Variants in DOCK2 observed in about 807,000 individuals in gnomAD.
The protein encoded by DOCK2 is dedicator of cytokinesis protein 2.
A neutral mutation model predicts 248.9 loss-of-function variants in DOCK2; 87 were observed. That is an observed-to-expected ratio of 0.35 (90% confidence interval 0.29 to 0.42). The LOEUF is 0.42. Among genes scored for constraint, DOCK2 ranks in the 10% least tolerant of loss-of-function variants. The probability of loss-of-function intolerance (pLI) is 1.00; values close to 1 mark genes in which losing one functional copy is unlikely to be tolerated. For missense variants in DOCK2, 1,747 were observed against 2,300.2 expected, an observed-to-expected ratio of 0.76 and a Z score of 4.92; for synonymous variants, 805 against 821.6, an observed-to-expected ratio of 0.98 and a Z score of 0.35.
chr5:169,884,683 G>A (rs1772866842), intron 27 of DOCK2: 2 of 152,458 alleles, frequency 1.3e-5, no homozygotes, highest in Admixed American at 6.5e-5. Flanking sequence ...CTGTTGTGGT[G>A]TGTTGGCCGA....
At chr5:169,873,400 C>T (rs533164909) in intron 27 of DOCK2, among the ~76,000 whole-genome samples, 2 of 152,194 alleles carry the variant, frequency 1.3e-5, no homozygotes, top group Non-Finnish European at 2.9e-5. Flanking sequence ...TGCTCGAGGG[C>T]ATTGCTATGA....
intron 29 of DOCK2, among the ~76,000 whole-genome samples, chr5:169,990,090 T>A (rs1246009441): frequency 2.8e-4 from 3 of 10,634 alleles, no homozygotes; most frequent in African/African-American, 2.5e-3. Flanking sequence ...CTCTTAATGT[T>A]TTTTTTTTTC....
intron 9 of DOCK2, among the ~76,000 whole-genome samples, chr5:169,692,047 G>T (rs923233441): frequency 9.2e-5 from 14 of 151,784 alleles, no homozygotes; most frequent in African/African-American, 3.4e-4. Context: ...GTATAGACGG[G>T]GTTTCACCAT....
At chr5:169,700,832 T>C (rs1282614354) in intron 13 of DOCK2, among the ~76,000 whole-genome samples, 4 of 151,526 alleles carry the variant, frequency 2.6e-5, no homozygotes, top group Non-Finnish European at 5.9e-5. Context: ...AACTGTTATC[T>C]GATCTTGCAA....
intron 25 of DOCK2, among the ~76,000 whole-genome samples, chr5:169,777,317 G>C (rs887600061): frequency 2.0e-5 from 3 of 152,290 alleles, no homozygotes; most frequent in African/African-American, 7.2e-5. Flanking sequence ...ATCCTTGATG[G>C]CAGGGGGTGT....
intron 26 of DOCK2, among the ~76,000 whole-genome samples, chr5:169,818,411 G>A (rs537588109): frequency 6.6e-6 from 1 of 152,330 alleles, no homozygotes; most frequent in African/African-American, 2.4e-5. Flanking sequence ...GTTGAAAGAT[G>A]ATGGACTTTG....
intron 23 of DOCK2, among the ~76,000 whole-genome samples, chr5:169,747,813 G>A (rs570383065): frequency 3.3e-5 from 5 of 152,218 alleles, no homozygotes; most frequent in Admixed American, 6.5e-5. Context: ...CTTAAACTGA[G>A]TTTAATTCTC....
chr5:169,818,671 T>C (rs1472227537), intron 26 of DOCK2, among the ~76,000 whole-genome samples: 1 of 152,188 alleles, frequency 6.6e-6, no homozygotes, highest in Non-Finnish European at 1.5e-5. Flanking sequence ...AAGGCAATAT[T>C]TGATGCCAGG....
At chr5:169,798,474 G>C (rs1766784518) in intron 25 of DOCK2, among the ~76,000 whole-genome samples, 1 of 152,170 alleles carries the variant, frequency 6.6e-6, no homozygotes, top group African/African-American at 2.4e-5. Context: ...TCTCCTAAGT[G>C]GCTTTTTCCT....
intron 27 of DOCK2, among the ~76,000 whole-genome samples, chr5:169,876,174 G>A (rs570125686): frequency 1.1e-4 from 16 of 152,144 alleles, no homozygotes; most frequent in East Asian, 1.9e-4. Flanking sequence ...CTTTCTCTGC[G>A]GCCCTTGTGA....
chr5:169,819,524 G>C (rs897557787), intron 26 of DOCK2, among the ~76,000 whole-genome samples: 1 of 152,152 alleles, frequency 6.6e-6, no homozygotes, highest in Admixed American at 6.5e-5. Context: ...AGGAAGCTGA[G>C]GTGGGAGGAT....
At chr5:169,938,314 A>G (rs778860238) in intron 27 of DOCK2, among the ~76,000 whole-genome samples, 21 of 151,512 alleles carry the variant, frequency 1.4e-4, no homozygotes, top group Non-Finnish European at 2.7e-4. Flanking sequence ...GGATGGGGAT[A>G]TGTTAAGAGA....
rs1756534568 is a variant in DOCK2 at position 170,042,005 on chromosome 5, C to T, written c.3757-8C>T. 1 of 1,612,898 alleles carries T rather than the reference C, an allele frequency of 6.2e-7. No individual in the cohort carries two copies. The highest frequency in any genetic ancestry group is 1.3e-5 in the African/African-American group (1 of 75,004). ...CCCTGTGTGACTTCCTGTGTCTTCT[C>T]TTCACAGTGGTCGGATGAGCAGTGT... On this transcript the variant is annotated splice_region_variant and splice_polypyrimidine_tract_variant and intron_variant, in intron 37 of 51. Coordinates refer to ENST00000520908, the MANE Select transcript of DOCK2 (RefSeq NM_004946.3).
chr5:169,893,456 A>G (rs1413642276), intron 27 of DOCK2, among the ~76,000 whole-genome samples: 1 of 146,040 alleles, frequency 6.8e-6, no homozygotes, highest in Non-Finnish European at 1.5e-5. Context: ...TTTTCACTAC[A>G]TAACTGGGGA....
At chr5:169,757,903 G>A (rs1001042961) in intron 23 of DOCK2, among the ~76,000 whole-genome samples, 12 of 152,194 alleles carry the variant, frequency 7.9e-5, no homozygotes, top group African/African-American at 2.7e-4. Context: ...TCCAATGGTA[G>A]CAAGGTTATG....
chr5:170,045,672 C>G (rs949302867), intron 38 of DOCK2, 144 bp from the exon 39 acceptor site: 12 of 755,190 alleles, frequency 1.6e-5, no homozygotes, highest in Non-Finnish European at 2.5e-5. Context: ...AGCCCCCGGC[C>G]CCTCTGTATG....
chr5:169,815,105 G>A lies in DOCK2; in HGVS notation c.2703+11899G>A, dbSNP rs1265660023. Among the ~76,000 whole-genome samples the A allele has an allele frequency of 4.6e-5, 7 of 152,274 alleles. 1 individual carries two copies. The East Asian group carries it at 1.4e-3, about 29-fold the overall frequency. ...CTTGCAGCCTATAGTATTTCACGTG[G>A]GCTATTTGACATCCCTAGCCATGTG... On this transcript the variant is annotated intron_variant, in intron 26 of 51. Coordinates refer to ENST00000520908, the MANE Select transcript of DOCK2 (RefSeq NM_004946.3).
In DOCK2 at chr5:169,680,090, G is replaced by T. The variant is rs529706908; in HGVS notation, c.471-1654G>T. 8.5e-4 allele frequency among the ~76,000 whole-genome samples: 130 copies of T among 152,248 alleles called. 5 individuals carry two copies. In the South Asian group the frequency reaches 0.025, roughly 30 times the overall value. On this transcript the variant is annotated intron_variant, in intron 6 of 51. Coordinates refer to ENST00000520908, the MANE Select transcript of DOCK2 (RefSeq NM_004946.3). ...TACCCCACTCCACAACCCATATACT[G>T]CTCCTAAGCTCCTCCTATCTATTAT...
intron 25 of DOCK2, among the ~76,000 whole-genome samples, chr5:169,778,214 C>T (rs1286287500): frequency 5.3e-5 from 8 of 152,140 alleles, no homozygotes; most frequent in Non-Finnish European, 8.8e-5. Flanking sequence ...TTCATGAATC[C>T]TCCCATCAAC....
Sources: allele counts gnomAD v4.1 joint callset (sites outside exome capture counted in the v4.1 genomes callset), GRCh38; gene constraint gnomAD v4.1.1; transcripts MANE v1.5; gene names NCBI Gene and HGNC (gene_info 2026-07-23, HGNC 2026-07-21).